Variants in ADAMTS6 observed in about 807,000 individuals in gnomAD.
The protein encoded by ADAMTS6 is ADAM metallopeptidase with thrombospondin type 1 motif 6.
A neutral mutation model predicts 144.3 loss-of-function variants in ADAMTS6; 23 were observed. The ratio of observed to expected loss-of-function variants is 0.16; its 90% CI spans 0.11 to 0.23. The LOEUF is 0.23. Among genes scored for constraint, ADAMTS6 ranks in the 10% least tolerant of loss-of-function variants. The pLI is 1.00. For missense variants in ADAMTS6, 999 were observed against 1,379.6 expected (o/e 0.72, Z 4.37); for synonymous variants, 444 against 457.5 (o/e 0.97, Z 0.38).
At chr5:65,249,385 C>T (rs913343509) in intron 14 of ADAMTS6, among the ~76,000 whole-genome samples, 22 of 152,180 alleles carry the variant, frequency 1.4e-4, no homozygotes, top group Non-Finnish European at 2.4e-4. Flanking sequence ...GAATGCTCAC[C>T]TCCCAAGGGC....
At chr5:65,152,313 C>T (rs552994482) in intron 24 of ADAMTS6, among the ~76,000 whole-genome samples, 1 of 152,254 alleles carries the variant, frequency 6.6e-6, no homozygotes, top group Non-Finnish European at 1.5e-5. Flanking sequence ...GCTTCTTTCT[C>T]AAGGGTTATT....
At chr5:65,270,650 A>G (rs1761980004) in intron 12 of ADAMTS6, among the ~76,000 whole-genome samples, 1 of 152,140 alleles carries the variant, frequency 6.6e-6, no homozygotes, top group Non-Finnish European at 1.5e-5. Context: ...GTCATTCCTA[A>G]AACTTTATCT....
chr5:65,238,624 A>G (rs1399714946), intron 15 of ADAMTS6, among the ~76,000 whole-genome samples: 1 of 152,106 alleles, frequency 6.6e-6, no homozygotes, highest in East Asian at 1.9e-4. Context: ...GAATATGGGA[A>G]TTTAGAAAGG....
intron 7 of ADAMTS6, among the ~76,000 whole-genome samples, chr5:65,347,743 G>A (rs1041423697): frequency 1.3e-5 from 2 of 151,870 alleles, no homozygotes; most frequent in African/African-American, 2.4e-5. Flanking sequence ...ATTTTAAACC[G>A]TACATCTCAT....
At chr5:65,374,983 A>G (rs1183825637) in intron 7 of ADAMTS6, among the ~76,000 whole-genome samples, 1 of 152,218 alleles carries the variant, frequency 6.6e-6, no homozygotes, top group Non-Finnish European at 1.5e-5. Context: ...GATCTTTGAC[A>G]AACCTTAGAA....
intron 1 of ADAMTS6, among the ~76,000 whole-genome samples, 154 bp downstream of exon 1, chr5:65,481,189 A>G (rs1761171748): frequency 6.7e-6 from 1 of 148,652 alleles, no homozygotes; most frequent in African/African-American, 2.5e-5. Flanking sequence ...TTGTAAAATG[A>G]GTTCAGTCAA....
At chr5:65,277,971 C>G (rs1363507732) in intron 11 of ADAMTS6, among the ~76,000 whole-genome samples, 1 of 151,938 alleles carries the variant, frequency 6.6e-6, no homozygotes, top group Non-Finnish European at 1.5e-5. Context: ...TGTAGTTTAC[C>G]TCTAGACCCC....
At chr5:65,181,641 T>A (rs1754360483) in intron 22 of ADAMTS6, among the ~76,000 whole-genome samples, 1 of 152,202 alleles carries the variant, frequency 6.6e-6, no homozygotes, top group South Asian at 2.1e-4. Context: ...CATTTCTCTG[T>A]TATTATTGTA....
chr5:65,370,633 G>A (rs1451911880), intron 7 of ADAMTS6, among the ~76,000 whole-genome samples: 2 of 152,328 alleles, frequency 1.3e-5, no homozygotes, highest in East Asian at 3.9e-4. Flanking sequence ...CTACGCCCAC[G>A]GAGTCTCGCT....
Position 65,150,576 on chromosome 5 carries a change from T to C in ADAMTS6, c.*1260A>G, listed in dbSNP as rs1752096281. On this transcript the variant is annotated 3_prime_UTR_variant, in exon 25 of 25. Transcript: ENST00000381055. The stretch of plus-strand genomic sequence containing the variant: ...TTGAGTGACTATTAAAATTATGCTT[T>C]ATGATGTCTAGTCTTCATGAAATTT... The C allele has an allele frequency of 6.6e-6, 1 of 152,660 alleles. No homozygotes were observed. Among genetic ancestry groups the C allele is most frequent in the Non-Finnish European group, 1.5e-5 (1 of 68,040 alleles). The allele number at this position is 152,660 out of a possible 1,614,324, so 9.5% of individuals were successfully genotyped here.
intron 1 of ADAMTS6, among the ~76,000 whole-genome samples, chr5:65,479,402 C>A (rs1761054976): frequency 6.6e-6 from 1 of 152,080 alleles, no homozygotes; most frequent in Non-Finnish European, 1.5e-5. Context: ...AAATACAAAC[C>A]ATGATTTATA....
At chr5:65,342,613 AAAG>A (rs1342593303) in intron 7 of ADAMTS6, among the ~76,000 whole-genome samples, 1 of 152,072 alleles carries the variant, frequency 6.6e-6, no homozygotes, top group Non-Finnish European at 1.5e-5. Context: ...TTAACAGAGA[AAAG>A]AAGCTTTTCC....
intron 2 of ADAMTS6, among the ~76,000 whole-genome samples, chr5:65,471,684 G>T (rs999280173): frequency 2.0e-5 from 3 of 152,042 alleles, no homozygotes; most frequent in African/African-American, 4.8e-5. Context: ...CTTGAACCTG[G>T]GAGGTGGTGG....
In ADAMTS6 at chr5:65,151,769, G is replaced by T. The variant is rs374379846; in HGVS notation, c.*67C>A. On this transcript the variant is annotated 3_prime_UTR_variant, in exon 25 of 25. Transcript: ENST00000381055. ...AAGGACATCAATCCTCTTCCTCTGG[G>T]TGGCTCTCTTTGATGGATGCATTTC... 38 of 1,374,060 alleles carry T rather than the reference G, an allele frequency of 2.8e-5. No individual in the cohort carries two copies. The East Asian group carries it at 5.8e-4, about 21-fold the overall frequency. 85.1% of individuals were successfully genotyped at this position (1,374,060 alleles called of 1,614,324 possible). A position where few individuals can be genotyped will look rare whatever the true frequency, so the allele number is the denominator to read the frequency against.
chr5:65,222,244 A>C (rs1212252536), intron 18 of ADAMTS6, among the ~76,000 whole-genome samples: 1 of 152,178 alleles, frequency 6.6e-6, no homozygotes, highest in Non-Finnish European at 1.5e-5. Context: ...TACTCAACAC[A>C]GTGTGGTGTT....
chr5:65,322,619 G>C (rs1580391242), intron 9 of ADAMTS6, among the ~76,000 whole-genome samples: 2 of 145,178 alleles, frequency 1.4e-5, no homozygotes, highest in East Asian at 4.0e-4. Flanking sequence ...GTATTCCTAG[G>C]TATTTTATTC....
intron 15 of ADAMTS6, among the ~76,000 whole-genome samples, chr5:65,234,360 A>C (rs147124070): frequency 1.3e-5 from 2 of 151,654 alleles, no homozygotes; most frequent in African/African-American, 4.8e-5. Flanking sequence ...ACAGAATAGG[A>C]GAAAATACCC....
intron 7 of ADAMTS6, among the ~76,000 whole-genome samples, chr5:65,439,164 AT>A (rs1222587448): frequency 6.6e-5 from 10 of 152,100 alleles, no homozygotes; most frequent in Non-Finnish European, 1.3e-4. Context: ...GTGAGTCCAT[AT>A]TTAAAGAAAG....
chr5:65,406,420 T>G (rs1030041121), intron 7 of ADAMTS6, among the ~76,000 whole-genome samples: 9 of 152,072 alleles, frequency 5.9e-5, no homozygotes, highest in Non-Finnish European at 1.2e-4. Context: ...GGTTTTTGTC[T>G]TTGGTTCTGT....
Sources: allele counts gnomAD v4.1 joint callset (sites outside exome capture counted in the v4.1 genomes callset), GRCh38; gene constraint gnomAD v4.1.1; transcripts MANE v1.5; gene names NCBI Gene and HGNC (gene_info 2026-07-23, HGNC 2026-07-21).